ASPRV1: variants seen among roughly 807,000 people sequenced by gnomAD.
The protein encoded by ASPRV1 is aspartic peptidase retroviral like 1.
ASPRV1 carries 7 observed loss-of-function variants against 11.0 expected under a neutral mutation model. That is an observed-to-expected ratio of 0.64 (90% confidence interval 0.36 to 1.20). ASPRV1 has a LOEUF of 1.20. Among genes scored for constraint, ASPRV1 ranks in the 50% most tolerant of loss-of-function variants. The probability of loss-of-function intolerance (pLI) is 0.02; values close to 1 mark genes in which losing one functional copy is unlikely to be tolerated. For missense variants in ASPRV1, 299 were observed against 320.0 expected (o/e 0.93, Z 0.50); for synonymous variants, 136 against 138.4 (o/e 0.98, Z 0.12).
the ASPRV1 span, among the ~76,000 whole-genome samples, chr2:70,043,552 G>T: frequency 4.9e-4 from 75 of 152,346 alleles, 1 homozygote; most frequent in African/African-American, 1.8e-3. Context: ...CAAGTGCTTT[G>T]TCATCGCTTT....
At chr2:70,036,214 G>C in the ASPRV1 span, among the ~76,000 whole-genome samples, 1 of 151,894 alleles carries the variant, frequency 6.6e-6, no homozygotes, top group Admixed American at 6.5e-5. Context: ...GAATATGGTG[G>C]GTGGGCTGAA....
chr2:70,053,995 C>G, the ASPRV1 span: 2 of 152,220 alleles, frequency 1.3e-5, no homozygotes, highest in African/African-American at 4.8e-5. Flanking sequence ...AAAATTTACC[C>G]TAATAGGGAA....
chr2:69,958,010 C>T (rs1043670809), downstream of ASPRV1, among the ~76,000 whole-genome samples: 5 of 152,172 alleles, frequency 3.3e-5, no homozygotes, highest in Non-Finnish European at 7.4e-5. Context: ...ATGGTTCAAA[C>T]GCCCACTGTG....
At chr2:70,057,956 G>C in the ASPRV1 span, among the ~76,000 whole-genome samples, 52 of 152,002 alleles carry the variant, frequency 3.4e-4, no homozygotes, top group Non-Finnish European at 6.3e-4. Context: ...ACCATGCCCA[G>C]CTAATTTTTT....
At chr2:70,077,992 C>T in the ASPRV1 span, among the ~76,000 whole-genome samples, 2 of 151,952 alleles carry the variant, frequency 1.3e-5, no homozygotes, top group African/African-American at 4.8e-5. Context: ...CATGATGAAA[C>T]CTCGTCTCTA....
chr2:70,056,036 T>G, the ASPRV1 span: 1 of 152,232 alleles, frequency 6.6e-6, no homozygotes, highest in African/African-American at 2.4e-5. Flanking sequence ...TCCTGTCACA[T>G]GCTAGAGCAT....
At chr2:69,979,642 C>T in the ASPRV1 span, among the ~76,000 whole-genome samples, 4 of 152,196 alleles carry the variant, frequency 2.6e-5, no homozygotes, top group Admixed American at 6.5e-5. Flanking sequence ...TTGAGAGTGA[C>T]AGGCCCCTTG....
the ASPRV1 span, among the ~76,000 whole-genome samples, chr2:69,995,090 G>A: frequency 3.3e-5 from 5 of 150,246 alleles, no homozygotes; most frequent in Admixed American, 2.7e-4. Flanking sequence ...ATATTGTTTT[G>A]ACAAAACTTT....
At chr2:70,064,459 G>A in the ASPRV1 span, among the ~76,000 whole-genome samples, 2 of 152,214 alleles carry the variant, frequency 1.3e-5, no homozygotes, top group East Asian at 1.9e-4. Context: ...AATGCATGCA[G>A]AGTTGTAGGA....
At chr2:70,001,371 A>G in the ASPRV1 span, among the ~76,000 whole-genome samples, 1 of 152,034 alleles carries the variant, frequency 6.6e-6, no homozygotes, top group Non-Finnish European at 1.5e-5. Flanking sequence ...TCTACTAAAA[A>G]ATACAAAAGT....
At chr2:70,078,582 G>A in the ASPRV1 span, among the ~76,000 whole-genome samples, 1 of 152,150 alleles carries the variant, frequency 6.6e-6, no homozygotes, top group Non-Finnish European at 1.5e-5. Context: ...TGATGTTCCT[G>A]GCAGAAAAAG....
the ASPRV1 span, among the ~76,000 whole-genome samples, chr2:69,972,352 T>A: frequency 6.7e-6 from 1 of 148,728 alleles, no homozygotes; most frequent in African/African-American, 2.5e-5. Flanking sequence ...TGAGCCACCG[T>A]GCCCGGCCCT....
the ASPRV1 span, among the ~76,000 whole-genome samples, chr2:70,051,939 C>G: frequency 6.6e-6 from 1 of 152,070 alleles, no homozygotes; most frequent in East Asian, 1.9e-4. Context: ...CATGCCACTG[C>G]ACTCCAGTGT....
the ASPRV1 span, among the ~76,000 whole-genome samples, chr2:70,022,628 T>C: frequency 6.6e-6 from 1 of 152,032 alleles, no homozygotes; most frequent in Non-Finnish European, 1.5e-5. Context: ...AGGTCAAGGC[T>C]GCAGTGAGCT....
the ASPRV1 span, among the ~76,000 whole-genome samples, chr2:70,074,390 G>A: frequency 4.7e-5 from 7 of 150,498 alleles, no homozygotes; most frequent in African/African-American, 1.2e-4. Flanking sequence ...CTGGGTTCAC[G>A]CGATTCTCCT....
chr2:69,968,479 G>T, the ASPRV1 span: 1 of 152,130 alleles, frequency 6.6e-6, no homozygotes, highest in South Asian at 2.1e-4. Context: ...AGCCGAGATT[G>T]CACCACTGCA....
the ASPRV1 span, chr2:70,002,936 G>A: frequency 6.6e-6 from 1 of 152,230 alleles, no homozygotes; most frequent in African/African-American, 2.4e-5. Context: ...TATAGGCCCA[G>A]AGGCCAAAAG....
At chr2:70,078,106 G>A in the ASPRV1 span, among the ~76,000 whole-genome samples, 2 of 152,134 alleles carry the variant, frequency 1.3e-5, no homozygotes, top group Non-Finnish European at 2.9e-5. Flanking sequence ...GCACTGAGCC[G>A]AGATCGCGCC....
chr2:70,013,276 T>C, the ASPRV1 span, among the ~76,000 whole-genome samples: 20 of 152,374 alleles, frequency 1.3e-4, no homozygotes, highest in African/African-American at 4.1e-4. Flanking sequence ...TGGATTCAAC[T>C]AATTTTTTAC....
Sources: allele counts gnomAD v4.1 joint callset (sites outside exome capture counted in the v4.1 genomes callset), GRCh38; gene constraint gnomAD v4.1.1; transcripts MANE v1.5; gene names NCBI Gene and HGNC (gene_info 2026-07-23, HGNC 2026-07-21).